Variants in FSTL5 observed in about 807,000 individuals in gnomAD.
The protein encoded by FSTL5 is follistatin like 5, also known as follistatin-related protein 5.
In FSTL5, 62 loss-of-function variants were observed where a neutral mutation model predicts 89.1. That is an observed-to-expected ratio of 0.70 (90% CI 0.57 to 0.86). FSTL5 has a LOEUF of 0.86. FSTL5 is among the 40% of genes least tolerant of loss of function. The pLI, the probability that FSTL5 is intolerant of heterozygous loss-of-function variation, is 0.00. For synonymous variants in FSTL5, 383 were observed against 346.2 expected (o/e 1.11, Z -1.18); for missense variants, 1,057 against 1,001.6 (o/e 1.06, Z -0.75).
At chr4:161,925,775 C>T (rs1274791928) in intron 3 of FSTL5, among the ~76,000 whole-genome samples, 2 of 134,914 alleles carry the variant, frequency 1.5e-5, no homozygotes, top group African/African-American at 5.4e-5. Flanking sequence ...TAGATAACTG[C>T]CCTCTACAGC....
chr4:161,407,584 C>T (rs1731430274), intron 15 of FSTL5, among the ~76,000 whole-genome samples: 2 of 136,184 alleles, frequency 1.5e-5, no homozygotes, highest in Non-Finnish European at 3.3e-5. Flanking sequence ...CCCCACAGAC[C>T]TATGAGCTGG....
chr4:161,537,683 G>A (rs1731671932), intron 10 of FSTL5, among the ~76,000 whole-genome samples: 1 of 152,134 alleles, frequency 6.6e-6, no homozygotes. Flanking sequence ...TTGTGTCAGG[G>A]GCAGTGAGTG....
At chr4:161,715,145 A>G (rs1162566215) in intron 6 of FSTL5, among the ~76,000 whole-genome samples, 1 of 152,148 alleles carries the variant, frequency 6.6e-6, no homozygotes, top group Non-Finnish European at 1.5e-5. Flanking sequence ...GGAAAAGAAG[A>G]AAAACAAATA....
At chr4:161,720,529 G>T (rs12331426) in intron 6 of FSTL5, among the ~76,000 whole-genome samples, 34,517 of 152,016 alleles carry the variant, frequency 0.23, 4,543 homozygotes, top group African/African-American at 0.36. Context: ...CAAAGGAATT[G>T]AAATCAGGAT....
chr4:161,628,616 A>C (rs762124412), intron 7 of FSTL5, among the ~76,000 whole-genome samples: 2 of 152,230 alleles, frequency 1.3e-5, no homozygotes, highest in Non-Finnish European at 2.9e-5. Context: ...ATCTGAGATC[A>C]CGTTAGCCCG....
In FSTL5 at chr4:161,385,819, T is replaced by C. The variant is rs752011014; in HGVS notation, c.2472A>G (p.Arg824=). 1.2e-5 allele frequency: 19 copies of C among 1,613,192 alleles called. No individual in the cohort carries two copies. The highest frequency in any genetic ancestry group is 1.5e-5 in the Non-Finnish European group (18 of 1,179,702). ...TGATCTCACAGTTTAATTTATTGAG[T>C]CGTCCATCTAGGATGAAGAGAGAGT... ...SKDSLFILDG[R]LNKLNCEITE... is the part of the protein sequence containing the mutation. Residue 824 remains arginine (R), a synonymous_variant, in exon 16 of 16, where the codon CGA becomes CGG. Transcript: ENST00000306100.
chr4:162,078,048 C>G (rs1729939656), intron 2 of FSTL5, among the ~76,000 whole-genome samples: 1 of 151,858 alleles, frequency 6.6e-6, no homozygotes, highest in South Asian at 2.1e-4. Flanking sequence ...TAAACTAACT[C>G]TAAATGTTTG....
intron 7 of FSTL5, among the ~76,000 whole-genome samples, chr4:161,614,480 CAG>C (rs1295200265): frequency 6.6e-6 from 1 of 152,062 alleles, no homozygotes; most frequent in Admixed American, 6.6e-5. Flanking sequence ...AGTAATTTAG[CAG>C]AGTGGCAAAA....
intron 1 of FSTL5, among the ~76,000 whole-genome samples, chr4:162,162,418 C>T (rs1561053518): frequency 6.6e-6 from 1 of 151,814 alleles, no homozygotes; most frequent in African/African-American, 2.4e-5. Flanking sequence ...GCAACCTAAA[C>T]TCTCTCTCTC....
At chr4:161,482,514 C>T (rs1331794798) in intron 12 of FSTL5, among the ~76,000 whole-genome samples, 4 of 152,062 alleles carry the variant, frequency 2.6e-5, no homozygotes, top group Non-Finnish European at 4.4e-5. Flanking sequence ...ATTAGTTTTT[C>T]AGCAGAGATA....
intron 15 of FSTL5, among the ~76,000 whole-genome samples, chr4:161,439,221 A>G (rs1277734631): frequency 6.6e-6 from 1 of 152,224 alleles, no homozygotes; most frequent in Non-Finnish European, 1.5e-5. Context: ...ATCTTAACAA[A>G]TAATAGTTTC....
Position 161,753,670 on chromosome 4 carries a change from T to C in FSTL5, c.727+5741A>G, listed in dbSNP as rs115102185. On this transcript the variant is annotated intron_variant, in intron 6 of 15. Coordinates refer to ENST00000306100, the MANE Select transcript of FSTL5 (RefSeq NM_020116.5). ...ATTAGAAGCTTTCGATAAGTAATAT[T>C]TTAGTGTAGCAGTTCTGCTTTCCCT... 5.8e-3 allele frequency among the ~76,000 whole-genome samples: 877 copies of C among 152,298 alleles called. 9 individuals carry two copies. The highest frequency in any genetic ancestry group is 0.02 in the African/African-American group (842 of 41,566).
At chr4:161,533,182 A>G (rs1227376082) in intron 10 of FSTL5, among the ~76,000 whole-genome samples, 2 of 149,632 alleles carry the variant, frequency 1.3e-5, no homozygotes, top group African/African-American at 2.4e-5. Context: ...AAAAAAAAAA[A>G]GGCAATCCAA....
At chr4:162,006,105 T>A (rs191232831) in intron 3 of FSTL5, among the ~76,000 whole-genome samples, 11,985 of 151,882 alleles carry the variant, frequency 0.079, 1,034 homozygotes, top group East Asian at 0.23. Flanking sequence ...GCTTTTTTTT[T>A]AAAATATTAT....
In FSTL5 at chr4:161,500,116, A is replaced by G. The variant is rs141999351; in HGVS notation, c.1358T>C (p.Met453Thr). ...WREEGLGIGN[M>T]FYVFYEDGIK... ...TCCATCTTCATAAAAAACATAGAACATGTTCCCAATTCCCAGACCTTAGGA... is the reference window on the plus strand; with the variant it reads ...TCCATCTTCATAAAAAACATAGAACGTGTTCCCAATTCCCAGACCTTAGGA... Residue 453 changes from methionine to threonine, a missense_variant, in exon 12 of 16, where the codon ATG becomes ACG. By Grantham distance (81) the Met-to-Thr change is moderately conservative. Around this residue, in one of 3 missense-constraint regions of FSTL5, gnomAD observed 980 missense variants for 903.2 expected, o/e 1.08. Coordinates refer to ENST00000306100, the MANE Select transcript of FSTL5 (RefSeq NM_020116.5). The G allele has an allele frequency of 1.9e-3, 3,055 of 1,594,104 alleles. 4 individuals carry two copies. Among genetic ancestry groups the G allele is most frequent in the Non-Finnish European group, 2.4e-3 (2,777 of 1,165,112 alleles).
chr4:162,068,417 C>G (rs1156778053), intron 2 of FSTL5, among the ~76,000 whole-genome samples: 1 of 152,090 alleles, frequency 6.6e-6, no homozygotes, highest in Non-Finnish European at 1.5e-5. Flanking sequence ...ACCATCTGAT[C>G]TTCGACAAAC....
In FSTL5 at chr4:161,554,319, C is replaced by T. The variant is rs78267679; in HGVS notation, c.1016-11626G>A. ...CATTAGACTAGACCAGTACTTCTCT[C>T]TACATTAGGAAGAATCTAATAGAAT... On this transcript the variant is annotated intron_variant, in intron 8 of 15. Coordinates refer to ENST00000306100, the MANE Select transcript of FSTL5 (RefSeq NM_020116.5). Among the ~76,000 whole-genome samples, 1,204 of 151,552 alleles carry T rather than the reference C, an allele frequency of 7.9e-3. 13 individuals carry two copies. Among genetic ancestry groups the T allele is most frequent in the African/African-American group, 0.025 (1,026 of 41,462 alleles).
intron 12 of FSTL5, among the ~76,000 whole-genome samples, chr4:161,492,800 ATTCT>A (rs1378724232): frequency 1.3e-5 from 2 of 152,186 alleles, no homozygotes; most frequent in South Asian, 2.1e-4. Flanking sequence ...TTATTATATA[ATTCT>A]TTCTTAATTT....
At chr4:161,544,882 A>T (rs1010812401) in intron 8 of FSTL5, among the ~76,000 whole-genome samples, 1 of 151,998 alleles carries the variant, frequency 6.6e-6, no homozygotes. Context: ...TAGGTAAAAT[A>T]ATTTTCTTTA....
Sources: gnomAD v4.1 joint callset for allele counts (sites outside exome capture counted in the v4.1 genomes callset) on GRCh38, gnomAD v4.1.1 for gene constraint, gnomAD v4.1.1 regional missense constraint, MANE v1.5 for transcripts, NCBI Gene and HGNC (gene_info 2026-07-23, HGNC 2026-07-21) for gene names.